Variants in VPS8 observed in about 807,000 individuals in gnomAD.
VPS8 encodes VPS8 subunit of CORVET complex, also known as vacuolar protein sorting-associated protein 8 homolog.
VPS8 carries 129 observed loss-of-function variants against 216.4 expected under a neutral mutation model. That is an observed-to-expected ratio of 0.60 (90% CI 0.52 to 0.69). VPS8 has a LOEUF of 0.69. VPS8 is among the 30% of genes least tolerant of loss of function. The pLI is 0.00. For synonymous variants in VPS8, 571 were observed against 565.4 expected, an observed-to-expected ratio of 1.01 and a Z score of -0.14; for missense variants, 1,531 against 1,683.5, an observed-to-expected ratio of 0.91 and a Z score of 1.59.
intron 29 of VPS8, chr3:184,922,426 T>C (rs1428990210): frequency 2.2e-6 from 1 of 455,024 alleles, no homozygotes; most frequent in South Asian, 1.6e-5. Context: ...GTCATTGTTT[T>C]AGCATGCCTA....
intron 10 of VPS8, among the ~76,000 whole-genome samples, chr3:184,851,666 G>A (rs1724298134): frequency 6.6e-6 from 1 of 152,148 alleles, no homozygotes; most frequent in African/African-American, 2.4e-5. Flanking sequence ...GGCTGTAAGA[G>A]CAAAGTTGTG....
At chr3:184,814,223 T>C (rs981534266) in intron 1 of VPS8, among the ~76,000 whole-genome samples, 1 of 152,232 alleles carries the variant, frequency 6.6e-6, no homozygotes, top group African/African-American at 2.4e-5. Flanking sequence ...TGGAAGGGGC[T>C]GGGGTATCAC....
chr3:184,820,436 C>T (rs1717328862), intron 1 of VPS8, among the ~76,000 whole-genome samples: 1 of 152,176 alleles, frequency 6.6e-6, no homozygotes, highest in Non-Finnish European at 1.5e-5. Flanking sequence ...ATTGGACCCA[C>T]CCAAATCATC....
chr3:184,959,667 T>G (rs187601467), intron 37 of VPS8, among the ~76,000 whole-genome samples: 1 of 152,140 alleles, frequency 6.6e-6, no homozygotes, highest in Non-Finnish European at 1.5e-5. Context: ...AATGTCAGGT[T>G]AGCAATTTTA....
intron 25 of VPS8, among the ~76,000 whole-genome samples, chr3:184,908,003 C>T (rs944930922): frequency 6.6e-5 from 10 of 152,162 alleles, no homozygotes; most frequent in African/African-American, 2.2e-4. Context: ...TTTTCAAAAG[C>T]CCCGCAGATC....
At chr3:185,007,916 G>T (rs1754483285) in intron 45 of VPS8, among the ~76,000 whole-genome samples, 1 of 151,920 alleles carries the variant, frequency 6.6e-6, no homozygotes, top group African/African-American at 2.4e-5. Context: ...CACTACACTT[G>T]GAGATTCAGT....
intron 40 of VPS8, among the ~76,000 whole-genome samples, chr3:184,977,994 T>C (rs1420681739): frequency 1.3e-5 from 2 of 151,154 alleles, no homozygotes; most frequent in Admixed American, 6.6e-5. Context: ...TTTGGAAGAG[T>C]TTCAGTAGAA....
In VPS8 at chr3:184,855,818, G is replaced by A. The variant is rs373088687; in HGVS notation, c.1143G>A (p.Leu381=). Residue 381 remains leucine, a splice_region_variant and synonymous_variant, in exon 14 of 48, where the codon TTG becomes TTA. Coordinates refer to ENST00000625842, the MANE Select transcript of VPS8 (RefSeq NM_001009921.3). ...FCRGDVVHFL[L]VKRDESGAIH... ...GAGGAGATGTTGTTCATTTTCTATT[G>A]GTAAGTCCTAATATGACCATTAGAA... 1 of 1,608,836 alleles carries A rather than the reference G, an allele frequency of 6.2e-7. No individual in the cohort carries two copies. Among genetic ancestry groups the A allele is most frequent in the Admixed American group, 1.7e-5 (1 of 59,342 alleles).
chr3:184,952,236 G>A (rs1026910807), intron 36 of VPS8, among the ~76,000 whole-genome samples: 6 of 152,116 alleles, frequency 3.9e-5, no homozygotes, highest in Non-Finnish European at 8.8e-5. Flanking sequence ...GTTCTCTTGA[G>A]ACACAACCTT....
chr3:184,986,494 G>A (rs1219587471), intron 42 of VPS8, among the ~76,000 whole-genome samples: 9 of 152,154 alleles, frequency 5.9e-5, no homozygotes, highest in Non-Finnish European at 1.3e-4. Flanking sequence ...CTGAAAATGA[G>A]GATTTGGGGA....
chr3:184,936,678 A>G (rs1015037033), intron 35 of VPS8, among the ~76,000 whole-genome samples: 3 of 151,654 alleles, frequency 2.0e-5, no homozygotes, highest in African/African-American at 7.3e-5. Flanking sequence ...TATCCTAGAA[A>G]TCCTAATCCA....
chr3:184,936,628 T>TA (rs1741690856), intron 35 of VPS8, among the ~76,000 whole-genome samples: 1 of 151,618 alleles, frequency 6.6e-6, no homozygotes, highest in African/African-American at 2.4e-5. Context: ...TGCATACAAA[T>TA]ATGAGCTTCA....
At chr3:185,003,866 C>T (rs905180382) in intron 45 of VPS8, among the ~76,000 whole-genome samples, 8 of 152,098 alleles carry the variant, frequency 5.3e-5, no homozygotes, top group African/African-American at 1.9e-4. Context: ...AGAGACGCTC[C>T]TCACCTCCCA....
chr3:184,820,562 C>T (rs1416260348), intron 1 of VPS8, among the ~76,000 whole-genome samples: 1 of 152,182 alleles, frequency 6.6e-6, no homozygotes, highest in Non-Finnish European at 1.5e-5. Context: ...TACCCTCATA[C>T]TGCCTACCAC....
At chr3:184,836,898 A>G (rs1156573015) in intron 5 of VPS8, among the ~76,000 whole-genome samples, 1 of 152,216 alleles carries the variant, frequency 6.6e-6, no homozygotes, top group Non-Finnish European at 1.5e-5. Flanking sequence ...AAGTAGTATG[A>G]CATGTGACTA....
At chr3:184,904,248 C>T (rs1735081482) in intron 25 of VPS8, among the ~76,000 whole-genome samples, 1 of 152,160 alleles carries the variant, frequency 6.6e-6, no homozygotes, top group Non-Finnish European at 1.5e-5. Context: ...TGACTACACC[C>T]ACTAATACAG....
chr3:184,867,180 T>G (rs1179897505), intron 17 of VPS8, among the ~76,000 whole-genome samples: 1 of 152,238 alleles, frequency 6.6e-6, no homozygotes, highest in Non-Finnish European at 1.5e-5. Flanking sequence ...GCTTATTTTC[T>G]TGATTCAGAG....
chr3:184,838,538 T>C (rs1412471588), intron 5 of VPS8, among the ~76,000 whole-genome samples, 176 bp from the exon 6 acceptor site: 1 of 152,176 alleles, frequency 6.6e-6, no homozygotes, highest in African/African-American at 2.4e-5. Flanking sequence ...TCATGCCCTT[T>C]GTATTTTGTT....
intron 45 of VPS8, among the ~76,000 whole-genome samples, chr3:185,017,747 C>T (rs942409813): frequency 6.6e-6 from 1 of 152,192 alleles, no homozygotes; most frequent in African/African-American, 2.4e-5. Context: ...TACTGTGGCA[C>T]TACCGGCTGT....
Sources: allele counts gnomAD v4.1 joint callset (sites outside exome capture counted in the v4.1 genomes callset), GRCh38; gene constraint gnomAD v4.1.1; transcripts MANE v1.5; gene names NCBI Gene and HGNC (gene_info 2026-07-23, HGNC 2026-07-21).